MLIP: variants seen among roughly 807,000 people sequenced by gnomAD.
The protein encoded by MLIP is muscular LMNA-interacting protein.
MLIP carries 79 observed loss-of-function variants against 84.8 expected under a neutral mutation model. The observed-to-expected ratio is 0.93, with a 90% CI of 0.78 to 1.12. MLIP has a LOEUF of 1.12. Among genes scored for constraint, MLIP ranks in the 50% most tolerant of loss-of-function variants. The pLI is 0.00. For synonymous variants in MLIP, 504 were observed against 463.0 expected, an observed-to-expected ratio of 1.09 and a Z score of -1.14; for missense variants, 1,257 against 1,160.6, an observed-to-expected ratio of 1.08 and a Z score of -1.21.
intron 9 of MLIP, among the ~76,000 whole-genome samples, chr6:54,182,823 T>A (rs1777021047): frequency 6.6e-6 from 1 of 152,210 alleles, no homozygotes; most frequent in African/African-American, 2.4e-5. Flanking sequence ...TTTGGTCCTA[T>A]TACTAATGCA....
intron 1 of MLIP, among the ~76,000 whole-genome samples, chr6:54,119,870 A>G (rs1180752650): frequency 6.6e-6 from 1 of 152,096 alleles, no homozygotes; most frequent in African/African-American, 2.4e-5. Flanking sequence ...CATTTCCACC[A>G]CTTTACCACG....
intron 1 of MLIP, among the ~76,000 whole-genome samples, chr6:54,037,185 T>C (rs1456311001): frequency 6.6e-6 from 1 of 152,000 alleles, no homozygotes; most frequent in Non-Finnish European, 1.5e-5. Flanking sequence ...CTATGTAAAC[T>C]CTGTGAAGGA....
intron 1 of MLIP, among the ~76,000 whole-genome samples, chr6:54,051,322 ATTGT>A (rs1034985220): frequency 4.0e-5 from 6 of 151,478 alleles, no homozygotes; most frequent in African/African-American, 1.5e-4. Flanking sequence ...TTTGAATTAA[ATTGT>A]TTAATTTAAT....
In MLIP at chr6:54,077,636, T is replaced by A. The variant is rs893196790; in HGVS notation, c.64-43811T>A. Among the ~76,000 whole-genome samples, 5 of 152,312 alleles carry A rather than the reference T, an allele frequency of 3.3e-5. No homozygotes were observed. In the East Asian group the frequency reaches 5.8e-4, roughly 18 times the overall value. On this transcript the variant is annotated intron_variant, in intron 1 of 12. Transcript: ENST00000274897. Reference sequence around the variant, plus strand: ...GCTTTAACTGAACCCTCTGTAGAATTTGTAAACTCTGTATCTTATTAACAT... The same window carrying A: ...GCTTTAACTGAACCCTCTGTAGAATATGTAAACTCTGTATCTTATTAACAT...
intron 12 of MLIP, among the ~76,000 whole-genome samples, chr6:54,243,744 A>G (rs1013811579): frequency 1.3e-5 from 2 of 152,086 alleles, no homozygotes; most frequent in African/African-American, 2.4e-5. Flanking sequence ...CACTTTCACC[A>G]TCACCACCAC....
At chr6:54,185,443 G>A (rs957457597) in intron 9 of MLIP, among the ~76,000 whole-genome samples, 8 of 152,110 alleles carry the variant, frequency 5.3e-5, no homozygotes, top group African/African-American at 1.7e-4. Flanking sequence ...TTATTATTAT[G>A]TCATGATTCC....
intron 1 of MLIP, among the ~76,000 whole-genome samples, chr6:54,080,845 G>T (rs956514299): frequency 6.8e-6 from 1 of 147,226 alleles, no homozygotes; most frequent in Non-Finnish European, 1.5e-5. Flanking sequence ...TTAAAGTATA[G>T]TTTTTTTTTT....
At chr6:54,078,182 C>T (rs1444583104) in intron 1 of MLIP, among the ~76,000 whole-genome samples, 1 of 152,172 alleles carries the variant, frequency 6.6e-6, no homozygotes, top group African/African-American at 2.4e-5. Context: ...GATTTGTAAT[C>T]AGTTTGTTTT....
At chr6:54,026,283 T>G (rs1763799523) in intron 1 of MLIP, among the ~76,000 whole-genome samples, 2 of 152,218 alleles carry the variant, frequency 1.3e-5, no homozygotes, top group South Asian at 4.1e-4. Context: ...AGACAACCCT[T>G]AAGCATTATG....
intron 1 of MLIP, among the ~76,000 whole-genome samples, chr6:54,090,657 GTGTA>G (rs1163544860): frequency 9.0e-6 from 1 of 110,604 alleles, no homozygotes; most frequent in African/African-American, 3.0e-5. Context: ...CTGTGTGTGT[GTGTA>G]TGTGTGTGTG....
chr6:54,083,118 G>A (rs185879712), intron 1 of MLIP, among the ~76,000 whole-genome samples: 3 of 152,164 alleles, frequency 2.0e-5, no homozygotes, highest in Admixed American at 2.0e-4. Flanking sequence ...AGAAGCTATT[G>A]TAAGGTTGAG....
chr6:54,226,388 T>C (rs554696800), intron 11 of MLIP, among the ~76,000 whole-genome samples: 7 of 152,182 alleles, frequency 4.6e-5, no homozygotes, highest in African/African-American at 1.7e-4. Context: ...AGCCAGGAGA[T>C]TGAAAATGTC....
chr6:54,032,103 A>G (rs958124612), intron 1 of MLIP, among the ~76,000 whole-genome samples: 2 of 152,098 alleles, frequency 1.3e-5, no homozygotes, highest in Middle Eastern at 3.4e-3. Flanking sequence ...GGAGAGTTCT[A>G]TTTTTTTCAT....
At chr6:54,215,120 GCTGTCCA>G in intron 11 of MLIP, 1 of 1,522,770 alleles carries the variant, frequency 6.6e-7, no homozygotes, top group Non-Finnish European at 8.8e-7. Context: ...CTCACTAAAA[GCTGTCCA>G]CTTTACACTC....
At chr6:54,111,163 T>C (rs1488290215), upstream of MLIP, among the ~76,000 whole-genome samples, 1 of 152,262 alleles carries the variant, frequency 6.6e-6, no homozygotes, top group Non-Finnish European at 1.5e-5. Flanking sequence ...ACAGAATATA[T>C]AATTGGAATA....
At chr6:54,049,523 A>C (rs963158274) in intron 1 of MLIP, among the ~76,000 whole-genome samples, 1 of 152,164 alleles carries the variant, frequency 6.6e-6, no homozygotes, top group East Asian at 1.9e-4. Flanking sequence ...ATCACCCACA[A>C]AGATAAATGT....
chr6:54,152,716 G>A (rs1045288606), intron 5 of MLIP, among the ~76,000 whole-genome samples: 14 of 152,092 alleles, frequency 9.2e-5, no homozygotes, highest in African/African-American at 3.4e-4. Flanking sequence ...GTCTTTTTTA[G>A]AGAAAGTTAA....
intron 5 of MLIP, among the ~76,000 whole-genome samples, chr6:54,150,244 G>A (rs1003012003): frequency 3.2e-4 from 48 of 152,170 alleles, no homozygotes; most frequent in African/African-American, 1.1e-3. Context: ...GTATATGTAA[G>A]TGCTTTGAAC....
chr6:54,043,858 G>A (rs533055987), intron 1 of MLIP, among the ~76,000 whole-genome samples: 10 of 152,184 alleles, frequency 6.6e-5, no homozygotes, highest in Non-Finnish European at 1.0e-4. Context: ...TGGTGACAGT[G>A]TGTGGAATGG....
Sources: gnomAD v4.1 joint callset for allele counts (sites outside exome capture counted in the v4.1 genomes callset) on GRCh38, gnomAD v4.1.1 for gene constraint, MANE v1.5 for transcripts, NCBI Gene and HGNC (gene_info 2026-07-23, HGNC 2026-07-21) for gene names.